The following ST8SIA6 variants were observed in gnomAD, a reference collection of about 807,000 sequenced individuals.
ST8SIA6 encodes alpha-2,8-sialyltransferase 8F.
Under a neutral mutation model 33.6 loss-of-function variants are expected in ST8SIA6, and 39 were observed. The ratio of observed to expected loss-of-function variants is 1.16; its 90% CI spans 0.90 to 1.52. The LOEUF is 1.52. ST8SIA6 is among the 40% of genes most tolerant of loss of function. ST8SIA6 has a pLI of 0.00. For synonymous variants in ST8SIA6, 172 were observed against 167.2 expected, an observed-to-expected ratio of 1.03 and a Z score of -0.22; for missense variants, 441 against 443.8, an observed-to-expected ratio of 0.99 and a Z score of 0.06.
chr10:17,349,278 T>G (rs1310203490), intron 4 of ST8SIA6, among the ~76,000 whole-genome samples: 3 of 152,192 alleles, frequency 2.0e-5, no homozygotes, highest in Non-Finnish European at 4.4e-5. Context: ...TATAATTGTT[T>G]ACACATCCCC....
intron 2 of ST8SIA6, among the ~76,000 whole-genome samples, chr10:17,418,251 A>G (rs1403024913): frequency 6.6e-6 from 1 of 151,894 alleles, no homozygotes. Flanking sequence ...TTTTGCAGAT[A>G]TGGGGTCTTG....
chr10:17,366,138 T>G (rs907768010), intron 3 of ST8SIA6, among the ~76,000 whole-genome samples: 1 of 152,222 alleles, frequency 6.6e-6, no homozygotes, highest in Non-Finnish European at 1.5e-5. Context: ...TAGACTGAGT[T>G]GAGCTATGCA....
rs756121625 is a variant in ST8SIA6, at chr10:17,359,510, T to A, written c.377+4A>T. On this transcript the variant is annotated splice_donor_region_variant and intron_variant, in intron 4 of 7. Coordinates refer to ENST00000377602, the MANE Select transcript of ST8SIA6 (RefSeq NM_001004470.3). ...AATCTCATATTATTTATGAAAAAAATTACCTAAAATTTGCATATTCTTCTG... is the reference window on the plus strand; with the variant it reads ...AATCTCATATTATTTATGAAAAAAAATACCTAAAATTTGCATATTCTTCTG... 6.3e-7 allele frequency: 1 copy of A among 1,586,180 alleles called. No individual in the cohort carries two copies. Among genetic ancestry groups the A allele is most frequent in the Non-Finnish European group, 8.6e-7 (1 of 1,162,754 alleles).
chr10:17,329,773 T>C (rs555464684), intron 5 of ST8SIA6, among the ~76,000 whole-genome samples: 49 of 152,312 alleles, frequency 3.2e-4, no homozygotes, highest in Non-Finnish European at 6.0e-4. Flanking sequence ...TTTAAATAAA[T>C]TACAAATCTC....
intron 2 of ST8SIA6, among the ~76,000 whole-genome samples, chr10:17,397,814 C>T (rs10904948): frequency 0.33 from 50,581 of 151,786 alleles, 9,361 homozygotes; most frequent in East Asian, 0.6. Context: ...CAGTATGTTG[C>T]GGGGGGGAAA....
At chr10:17,330,252 C>T (rs1384913351) in intron 5 of ST8SIA6, among the ~76,000 whole-genome samples, 1 of 152,190 alleles carries the variant, frequency 6.6e-6, no homozygotes, top group Non-Finnish European at 1.5e-5. Context: ...GAGGGTAAAG[C>T]AGTTGCTGCT....
chr10:17,413,358 G>A (rs1337893258), intron 2 of ST8SIA6: 1 of 150,746 alleles, frequency 6.6e-6, no homozygotes, highest in African/African-American at 2.4e-5. Flanking sequence ...AGATACAGTC[G>A]AATGTAATTT....
In ST8SIA6 at chr10:17,388,899, T is replaced by C. The variant is rs565449544; in HGVS notation, c.290+1632A>G. Among the ~76,000 whole-genome samples the C allele has an allele frequency of 2.0e-5, 3 of 152,210 alleles. No individual in the cohort carries two copies. The East Asian group carries it at 5.8e-4, about 29-fold the overall frequency. On this transcript the variant is annotated intron_variant, in intron 3 of 7. Coordinates refer to ENST00000377602, the MANE Select transcript of ST8SIA6 (RefSeq NM_001004470.3). ...TAGCTACAAGATTAGAAATTACAGT[T>C]TAGGGGTCATGCAGACTCTGGCTCC... is the stretch of plus-strand genomic sequence containing the variant.
intron 4 of ST8SIA6, among the ~76,000 whole-genome samples, chr10:17,334,410 G>T (rs1421299862): frequency 6.6e-6 from 1 of 151,596 alleles, no homozygotes; most frequent in Non-Finnish European, 1.5e-5. Flanking sequence ...ACGGTGGCAG[G>T]CACCTGTAGT....
chr10:17,413,062 A>G (rs1336483788), intron 2 of ST8SIA6, among the ~76,000 whole-genome samples: 2 of 152,218 alleles, frequency 1.3e-5, no homozygotes, highest in Non-Finnish European at 2.9e-5. Context: ...AAGAGAACTA[A>G]GGAGAATTTG....
At chr10:17,431,455 G>A (rs1008580083) in intron 2 of ST8SIA6, among the ~76,000 whole-genome samples, 18 of 131,622 alleles carry the variant, frequency 1.4e-4, no homozygotes, top group Non-Finnish European at 2.1e-4. Context: ...TTCGTTTTAA[G>A]GGGGGGGAAA....
At chr10:17,338,509 A>G (rs1453771737) in intron 4 of ST8SIA6, among the ~76,000 whole-genome samples, 1 of 152,210 alleles carries the variant, frequency 6.6e-6, no homozygotes, top group Non-Finnish European at 1.5e-5. Context: ...TTCCCCTTGG[A>G]TGCTTTCCAA....
intron 4 of ST8SIA6, among the ~76,000 whole-genome samples, chr10:17,335,264 A>G (rs567879647): frequency 6.6e-6 from 1 of 152,350 alleles, no homozygotes; most frequent in East Asian, 1.9e-4. Context: ...AGAGTCAGTG[A>G]ATATTCAGCA....
chr10:17,420,366 C>T (rs1279965809), intron 2 of ST8SIA6, among the ~76,000 whole-genome samples: 1 of 152,088 alleles, frequency 6.6e-6, no homozygotes, highest in African/African-American at 2.4e-5. Context: ...GAGCTGAGAT[C>T]ACGCCACTGC....
At chr10:17,323,211 G>T in intron 6 of ST8SIA6, 54 bp from the exon 7 acceptor site, 2 of 1,352,562 alleles carry the variant, frequency 1.5e-6, no homozygotes, top group Non-Finnish European at 2.1e-6. Context: ...AAAAAAGATT[G>T]TATACACACA....
At chr10:17,383,203 A>C (rs1489187114) in intron 3 of ST8SIA6, among the ~76,000 whole-genome samples, 1 of 152,148 alleles carries the variant, frequency 6.6e-6, no homozygotes, top group Admixed American at 6.5e-5. Context: ...ATTTTGTAAT[A>C]TCAAGTGTTT....
At chr10:17,374,745 AAT>A (rs1491108923) in intron 3 of ST8SIA6, among the ~76,000 whole-genome samples, 1 of 88,080 alleles carries the variant, frequency 1.1e-5, no homozygotes, top group African/African-American at 3.8e-5. Context: ...TAAATAAATA[AAT>A]AATAAATATA....
At chr10:17,417,568 G>A (rs1564454775) in intron 2 of ST8SIA6, among the ~76,000 whole-genome samples, 1 of 151,608 alleles carries the variant, frequency 6.6e-6, no homozygotes, top group Non-Finnish European at 1.5e-5. Flanking sequence ...GTGAGCTCCA[G>A]GAGGGCAGGC....
intron 4 of ST8SIA6, among the ~76,000 whole-genome samples, chr10:17,332,938 C>G (rs533951162): frequency 3.3e-5 from 5 of 152,026 alleles, no homozygotes; most frequent in Non-Finnish European, 7.4e-5. Context: ...TGCTTCAGTT[C>G]CTTGTAATCC....
Sources: allele counts gnomAD v4.1 joint callset (sites outside exome capture counted in the v4.1 genomes callset), GRCh38; gene constraint gnomAD v4.1.1; transcripts MANE v1.5; gene names NCBI Gene and HGNC (gene_info 2026-07-23, HGNC 2026-07-21).